Variants in UVRAG observed in about 807,000 individuals in gnomAD.
UVRAG encodes UV radiation resistance associated, also known as UV radiation resistance-associated gene protein.
Under a neutral mutation model 78.0 loss-of-function variants are expected in UVRAG, and 19 were observed. That is an observed-to-expected ratio of 0.24 (90% CI 0.17 to 0.36). The LOEUF (loss-of-function observed/expected upper bound fraction) is 0.36, where lower values mean the gene tolerates loss of function less well. Among genes scored for constraint, UVRAG ranks in the 10% least tolerant of loss-of-function variants. The probability of loss-of-function intolerance (pLI) is 1.00; values close to 1 mark genes in which losing one functional copy is unlikely to be tolerated. For missense variants in UVRAG, 740 were observed against 853.8 expected (o/e 0.87, Z 1.66); for synonymous variants, 323 against 324.6 (o/e 1.00, Z 0.05).
chr11:75,821,227 C>T (rs1945378560), intron 1 of UVRAG, among the ~76,000 whole-genome samples: 1 of 152,180 alleles, frequency 6.6e-6, no homozygotes, highest in African/African-American at 2.4e-5. Flanking sequence ...TTTCAAGGTT[C>T]ATCCATGTTG....
chr11:76,127,467 A>G (rs1235512289), intron 14 of UVRAG, among the ~76,000 whole-genome samples: 1 of 151,724 alleles, frequency 6.6e-6, no homozygotes, highest in Non-Finnish European at 1.5e-5. Context: ...CAGCTGACCA[A>G]CATGGTGAAA....
intron 4 of UVRAG, among the ~76,000 whole-genome samples, chr11:75,883,388 G>GAAAAAAAAAAAAAAAAAAAAAAAGAAAAA (rs1310332580): frequency 9.2e-6 from 1 of 108,726 alleles, no homozygotes; most frequent in Non-Finnish European, 2.0e-5. Context: ...AAAAAGAAAA[G>GAAAAAAAAAAAAAAAAAAAAAAAGAAAAA]AAAAAAAAAA....
At chr11:75,967,519 G>T (rs546217772) in intron 7 of UVRAG, among the ~76,000 whole-genome samples, 1 of 152,140 alleles carries the variant, frequency 6.6e-6, no homozygotes, top group South Asian at 2.1e-4. Context: ...TTTCAATTTG[G>T]GGGGAAGAAT....
Position 75,961,508 on chromosome 11 carries a change from A to C in UVRAG, c.658A>C (p.Ile220Leu). ...QVTVQKIGKE[I>L]EEKLRLTSTS... ...AACTGTTCAGAAAATTGGAAAGGAAATTGAAGAAAAACTAAGACTCACATC... is the reference window on the plus strand; with the variant it reads ...AACTGTTCAGAAAATTGGAAAGGAACTTGAAGAAAAACTAAGACTCACATC... Residue 220 changes from isoleucine (I) to leucine (L), a missense_variant, in exon 7 of 15, where the codon ATT becomes CTT. Transcript: ENST00000356136. 1 of 1,607,704 alleles carries C rather than the reference A, an allele frequency of 6.2e-7. No homozygotes were observed. The highest frequency in any genetic ancestry group is 8.5e-7 in the Non-Finnish European group (1 of 1,178,644).
chr11:75,918,607 C>A (rs1345677636), intron 6 of UVRAG, among the ~76,000 whole-genome samples: 1 of 152,108 alleles, frequency 6.6e-6, no homozygotes, highest in Non-Finnish European at 1.5e-5. Context: ...AATAGTTCTT[C>A]ATTGTCTGAT....
chr11:76,011,902 C>A, intron 11 of UVRAG, among the ~76,000 whole-genome samples: 1 of 152,188 alleles, frequency 6.6e-6, no homozygotes, highest in East Asian at 1.9e-4. Flanking sequence ...TGAGAATAAT[C>A]ACTTCTATCA....
intron 13 of UVRAG, among the ~76,000 whole-genome samples, chr11:76,097,703 C>T (rs895357337): frequency 6.6e-6 from 1 of 152,100 alleles, no homozygotes; most frequent in Admixed American, 6.6e-5. Context: ...ATATATGCTT[C>T]TAGGTGCTTG....
intron 7 of UVRAG, among the ~76,000 whole-genome samples, chr11:75,968,680 T>G (rs1036013888): frequency 2.0e-5 from 3 of 152,208 alleles, no homozygotes; most frequent in Non-Finnish European, 4.4e-5. Flanking sequence ...GTTATCCTCC[T>G]AGCCAGGCAT....
At chr11:76,052,391 A>C (rs1950887101) in intron 12 of UVRAG, among the ~76,000 whole-genome samples, 1 of 152,166 alleles carries the variant, frequency 6.6e-6, no homozygotes, top group Admixed American at 6.5e-5. Context: ...CTTTCACCTC[A>C]GGACATGTTT....
intron 7 of UVRAG, among the ~76,000 whole-genome samples, chr11:75,976,459 T>C (rs967516799): frequency 6.6e-6 from 1 of 152,232 alleles, no homozygotes; most frequent in African/African-American, 2.4e-5. Context: ...CTCCTCTTTG[T>C]GCCTCTGGTA....
intron 1 of UVRAG, among the ~76,000 whole-genome samples, chr11:75,833,591 G>C (rs201367029): frequency 0.21 from 31,219 of 151,922 alleles, 5,180 homozygotes; most frequent in African/African-American, 0.46. Context: ...CACACACATA[G>C]AGAAATATAG....
chr11:75,828,800 TA>T (rs1321765837), intron 1 of UVRAG, among the ~76,000 whole-genome samples: 4,558 of 105,548 alleles, frequency 0.043, 290 homozygotes, highest in African/African-American at 0.12. Context: ...TATATATATA[TA>T]TATATTTTTT....
At chr11:76,003,288 T>TTTTG (rs1491521163) in intron 8 of UVRAG, among the ~76,000 whole-genome samples, 1 of 62,472 alleles carries the variant, frequency 1.6e-5, no homozygotes, top group African/African-American at 6.1e-5. Context: ...TTTTTTTTTT[T>TTTTG]GGAGACAGAG....
At chr11:75,908,897 G>A (rs987218662) in intron 5 of UVRAG, among the ~76,000 whole-genome samples, 2 of 151,690 alleles carry the variant, frequency 1.3e-5, no homozygotes, top group African/African-American at 4.8e-5. Flanking sequence ...ATATCATTTT[G>A]TCTACATTAT....
intron 13 of UVRAG, among the ~76,000 whole-genome samples, chr11:76,100,890 A>G (rs766420646): frequency 6.6e-6 from 1 of 152,114 alleles, no homozygotes; most frequent in Non-Finnish European, 1.5e-5. Flanking sequence ...TTAGTTTGCC[A>G]AGGATAATGA....
intron 1 of UVRAG, among the ~76,000 whole-genome samples, chr11:75,819,354 GTTT>G (rs1170760932): frequency 6.6e-6 from 1 of 150,746 alleles, no homozygotes; most frequent in Non-Finnish European, 1.5e-5. Context: ...TTTTTGTTTT[GTTT>G]TTGATTTTTG....
At chr11:76,082,307 G>A (rs867346819) in intron 13 of UVRAG, among the ~76,000 whole-genome samples, 34 of 152,116 alleles carry the variant, frequency 2.2e-4, no homozygotes, top group South Asian at 2.1e-4. Flanking sequence ...TTGGGAGGCC[G>A]AGGCGGGCAG....
intron 12 of UVRAG, among the ~76,000 whole-genome samples, chr11:76,047,532 T>G (rs2134343503): frequency 6.6e-6 from 1 of 152,290 alleles, no homozygotes; most frequent in African/African-American, 2.4e-5. Context: ...TCTTAAACTT[T>G]TGGTCTAATT....
At chr11:76,010,969 C>T (rs919362113) in intron 11 of UVRAG, among the ~76,000 whole-genome samples, 1 of 152,144 alleles carries the variant, frequency 6.6e-6, no homozygotes, top group Non-Finnish European at 1.5e-5. Context: ...AAAAGTCACT[C>T]TGGCTGCTAA....
Sources: gnomAD v4.1 joint callset for allele counts (sites outside exome capture counted in the v4.1 genomes callset) on GRCh38, gnomAD v4.1.1 for gene constraint, MANE v1.5 for transcripts, NCBI Gene and HGNC (gene_info 2026-07-23, HGNC 2026-07-21) for gene names.